Variants in PLXNA4 observed in about 807,000 individuals in gnomAD.
PLXNA4 encodes the protein plexin-A4.
In PLXNA4, 44 loss-of-function variants were observed where a neutral mutation model predicts 191.8. The ratio of observed to expected loss-of-function variants is 0.23; its 90% confidence interval spans 0.18 to 0.29. The LOEUF is 0.29. Among genes scored for constraint, PLXNA4 ranks in the 10% least tolerant of loss-of-function variants. PLXNA4 has a pLI of 1.00. For missense variants in PLXNA4, 1,800 were observed against 2,488.8 expected, an observed-to-expected ratio of 0.72 and a Z score of 5.89; for synonymous variants, 1,082 against 1,009.5, an observed-to-expected ratio of 1.07 and a Z score of -1.36.
chr7:132,637,336 G>A (rs912356129), intron 2 of PLXNA4, among the ~76,000 whole-genome samples: 1 of 152,174 alleles, frequency 6.6e-6, no homozygotes, highest in Admixed American at 6.5e-5. Flanking sequence ...ATTGAAGTGT[G>A]GTCTCTGAAT....
chr7:132,449,460 C>G (rs1796036122), intron 3 of PLXNA4, among the ~76,000 whole-genome samples: 1 of 152,236 alleles, frequency 6.6e-6, no homozygotes, highest in African/African-American at 2.4e-5. Flanking sequence ...AAACCCCCAA[C>G]TCAATCAGTG....
intron 4 of PLXNA4, among the ~76,000 whole-genome samples, chr7:132,258,512 C>T (rs1799511768): frequency 6.6e-6 from 1 of 152,216 alleles, no homozygotes; most frequent in Non-Finnish European, 1.5e-5. Context: ...CCTGTGTTCT[C>T]AATGACTCCA....
chr7:132,590,792 A>G (rs1802592027), intron 2 of PLXNA4, among the ~76,000 whole-genome samples: 1 of 152,152 alleles, frequency 6.6e-6, no homozygotes, highest in Non-Finnish European at 1.5e-5. Context: ...AATACTTTGT[A>G]TCCTTTAGTC....
chr7:132,524,720 A>T (rs1206324934), intron 1 of PLXNA4, among the ~76,000 whole-genome samples: 1 of 151,930 alleles, frequency 6.6e-6, no homozygotes, highest in African/African-American at 2.4e-5. Flanking sequence ...GGTGCCCATC[A>T]CCACGCCCAG....
At chr7:132,475,966 G>T (rs560624254) in intron 3 of PLXNA4, among the ~76,000 whole-genome samples, 2 of 152,268 alleles carry the variant, frequency 1.3e-5, no homozygotes, top group South Asian at 4.1e-4. Context: ...AGAACATGAG[G>T]GAGGTGGATG....
chr7:132,244,833 A>G (rs936257974), intron 4 of PLXNA4, among the ~76,000 whole-genome samples: 3 of 152,204 alleles, frequency 2.0e-5, no homozygotes, highest in African/African-American at 7.2e-5. Flanking sequence ...ACTTTTGAAA[A>G]CTGGATTTAG....
At chr7:132,493,129 T>TGAGG (rs1797871789) in intron 2 of PLXNA4, among the ~76,000 whole-genome samples, 1 of 151,928 alleles carries the variant, frequency 6.6e-6, no homozygotes, top group South Asian at 2.1e-4. Context: ...CTTCAACAGG[T>TGAGG]GAGGGTTGAT....
chr7:132,159,416 G>A, intron 25 of PLXNA4, 57 bp downstream of exon 25: 1 of 1,596,450 alleles, frequency 6.3e-7, no homozygotes. Context: ...ACAGGAGAAG[G>A]TGAGGTGTGT....
chr7:132,458,921 G>A (rs757840856), intron 3 of PLXNA4, among the ~76,000 whole-genome samples: 6 of 152,184 alleles, frequency 3.9e-5, no homozygotes, highest in African/African-American at 4.8e-5. Context: ...GACAAGCACT[G>A]CAAATGAGGT....
chr7:132,578,462 A>G (rs939565235), upstream of PLXNA4, among the ~76,000 whole-genome samples: 37 of 152,188 alleles, frequency 2.4e-4, no homozygotes, highest in African/African-American at 6.5e-4. Flanking sequence ...AACATCTCAG[A>G]GCCTCCTTAT....
At chr7:132,140,514 T>C (rs1795237416) in intron 30 of PLXNA4, 85 bp downstream of exon 30, 2 of 1,529,156 alleles carry the variant, frequency 1.3e-6, no homozygotes, top group Non-Finnish European at 1.8e-6. Flanking sequence ...ACACAGCTGG[T>C]TTTTGATGGG....
chr7:132,548,142 A>G (rs1351725535), intron 1 of PLXNA4, among the ~76,000 whole-genome samples: 10 of 152,198 alleles, frequency 6.6e-5, no homozygotes, highest in Admixed American at 6.5e-4. Context: ...AAGAGTTTCT[A>G]GGAATGCCAC....
Position 132,259,436 on chromosome 7 carries a change from C to CAAAAAAAAAAAAAAAAAAAAA in PLXNA4, c.1504-18291_1504-18271dup, listed in dbSNP as rs55902635. ...GGGCAACAAGAGCAAAACTCCAACT[C>CAAAAAAAAAAAAAAAAAAAAA]AAAAAAAAAAAAAAAAAAAAAAAAA... On this transcript the variant is annotated intron_variant, in intron 4 of 31. Coordinates refer to ENST00000321063, the MANE Select transcript of PLXNA4 (RefSeq NM_020911.2). 1.4e-3 allele frequency among the ~76,000 whole-genome samples: 49 copies of CAAAAAAAAAAAAAAAAAAAAA among 33,866 alleles called. 1 individual carries two copies. Among genetic ancestry groups the CAAAAAAAAAAAAAAAAAAAAA allele is most frequent in the Non-Finnish European group, 1.9e-3 (38 of 19,512 alleles). The allele number at this position is 33,866 out of a possible 152,430, so 22.2% of individuals were successfully genotyped here. A position where few individuals can be genotyped will look rare whatever the true frequency, so the allele number is the denominator to read the frequency against.
chr7:132,528,857 T>G (rs1206974173), intron 1 of PLXNA4, among the ~76,000 whole-genome samples: 1 of 152,144 alleles, frequency 6.6e-6, no homozygotes, highest in Non-Finnish European at 1.5e-5. Context: ...ACCATTCACT[T>G]ATGGTTCACA....
intron 3 of PLXNA4, among the ~76,000 whole-genome samples, chr7:132,445,087 G>A (rs1027342730): frequency 6.1e-5 from 9 of 146,908 alleles, no homozygotes; most frequent in Non-Finnish European, 8.9e-5. Context: ...CCCAGGAGGC[G>A]GAGCTTGCAG....
chr7:132,600,205 CT>C (rs1802790543), intron 2 of PLXNA4, among the ~76,000 whole-genome samples: 1 of 152,008 alleles, frequency 6.6e-6, no homozygotes, highest in South Asian at 2.1e-4. Flanking sequence ...CTTCTCTTTT[CT>C]TGAAAATAAT....
At chr7:132,611,868 C>T (rs1182174833) in intron 2 of PLXNA4, among the ~76,000 whole-genome samples, 1 of 152,166 alleles carries the variant, frequency 6.6e-6, no homozygotes, top group East Asian at 1.9e-4. Flanking sequence ...AGGCAGGGCA[C>T]ATTCTTTCCC....
chr7:132,338,648 T>C (rs1802909391), intron 3 of PLXNA4, among the ~76,000 whole-genome samples: 1 of 152,232 alleles, frequency 6.6e-6, no homozygotes, highest in Admixed American at 6.5e-5. Context: ...GCCTGGAATG[T>C]CTTGTAGAAG....
chr7:132,533,484 C>T (rs1402843289), intron 1 of PLXNA4, among the ~76,000 whole-genome samples: 1 of 152,208 alleles, frequency 6.6e-6, no homozygotes, highest in Non-Finnish European at 1.5e-5. Context: ...CCAACCCAAG[C>T]ACCTTCTAAT....
Sources: gnomAD v4.1 joint callset for allele counts (sites outside exome capture counted in the v4.1 genomes callset) on GRCh38, gnomAD v4.1.1 for gene constraint, MANE v1.5 for transcripts, NCBI Gene and HGNC (gene_info 2026-07-23, HGNC 2026-07-21) for gene names.